RANBP3: variants seen among roughly 807,000 people sequenced by gnomAD.
RANBP3 encodes ran-binding protein 3.
A neutral mutation model predicts 77.3 loss-of-function variants in RANBP3; 14 were observed. The observed-to-expected ratio is 0.18, with a 90% CI of 0.12 to 0.28. The LOEUF (loss-of-function observed/expected upper bound fraction) is 0.28, where lower values mean the gene tolerates loss of function less well. Ranked by LOEUF, RANBP3 falls within the 10% of genes least tolerant of loss-of-function variation. RANBP3 has a pLI of 1.00. For synonymous variants in RANBP3, 315 were observed against 312.4 expected, an observed-to-expected ratio of 1.01 and a Z score of -0.09; for missense variants, 586 against 752.3, an observed-to-expected ratio of 0.78 and a Z score of 2.59.
intron 8 of RANBP3, among the ~76,000 whole-genome samples, chr19:5,930,483 C>A (rs2057974088): frequency 6.6e-6 from 1 of 152,228 alleles, no homozygotes; most frequent in South Asian, 2.1e-4. Flanking sequence ...TCAAAGGAGG[C>A]TCTTCATCAA....
intron 6 of RANBP3, 71 bp from the exon 7 acceptor site, chr19:5,932,615 C>A: frequency 8.2e-7 from 1 of 1,215,086 alleles, no homozygotes; most frequent in Non-Finnish European, 1.2e-6. Flanking sequence ...AGAGACTGAC[C>A]CCTGGCATCC....
chr19:5,949,798 G>A (rs1265546182), intron 3 of RANBP3, among the ~76,000 whole-genome samples: 1 of 152,168 alleles, frequency 6.6e-6, no homozygotes, highest in East Asian at 1.9e-4. Context: ...TGGACGAGGT[G>A]AGGCCCCTCC....
At chr19:5,927,166 T>C (rs370596875) in intron 9 of RANBP3, among the ~76,000 whole-genome samples, 1 of 152,150 alleles carries the variant, frequency 6.6e-6, no homozygotes, top group Non-Finnish European at 1.5e-5. Flanking sequence ...GCACATTCCA[T>C]GTCTGTGGCT....
At chr19:5,950,147 C>A (rs2058257165) in intron 3 of RANBP3, among the ~76,000 whole-genome samples, 2 of 152,166 alleles carry the variant, frequency 1.3e-5, no homozygotes, top group Non-Finnish European at 2.9e-5. Flanking sequence ...ACTCTGCCAA[C>A]AAAAGAAGGA....
intron 12 of RANBP3, 98 bp downstream of exon 12, chr19:5,923,714 C>T (rs2145036742): frequency 6.5e-6 from 6 of 917,634 alleles, no homozygotes; most frequent in East Asian, 2.6e-5. Flanking sequence ...CTGCGGGAGT[C>T]GGGCCCCTTA....
chr19:5,933,745 C>T, intron 5 of RANBP3: 1 of 403,126 alleles, frequency 2.5e-6, no homozygotes, highest in Non-Finnish European at 4.5e-6. Flanking sequence ...CAGCCGCCCT[C>T]CCAGCTGTCT....
chr19:5,918,388 G>GCCCCCC, intron 15 of RANBP3, 108 bp downstream of exon 15: 2 of 688,310 alleles, frequency 2.9e-6, no homozygotes, highest in Non-Finnish European at 2.2e-6. Context: ...AGCAACTGAA[G>GCCCCCC]CCCCTCCCCC....
At chr19:5,929,867 A>G (rs1159735712) in intron 8 of RANBP3, among the ~76,000 whole-genome samples, 1 of 152,256 alleles carries the variant, frequency 6.6e-6, no homozygotes, top group East Asian at 1.9e-4. Flanking sequence ...CCAGACCCAC[A>G]TGGAGCAGTG....
intron 1 of RANBP3, among the ~76,000 whole-genome samples, chr19:5,960,013 T>G (rs566981953): frequency 5.7e-4 from 86 of 152,010 alleles, no homozygotes; most frequent in Non-Finnish European, 3.4e-4. Context: ...ACATGGCACA[T>G]GAACAAGGCC....
intron 9 of RANBP3, among the ~76,000 whole-genome samples, chr19:5,927,526 C>T (rs2057928646): frequency 6.6e-6 from 1 of 152,226 alleles, no homozygotes; most frequent in Non-Finnish European, 1.5e-5. Flanking sequence ...CTGCAGTGCC[C>T]AGGGCGACTC....
chr19:5,955,933 C>G (rs1293569663), intron 2 of RANBP3, among the ~76,000 whole-genome samples: 1 of 151,948 alleles, frequency 6.6e-6, no homozygotes, highest in Admixed American at 6.6e-5. Flanking sequence ...AAGACACCAT[C>G]TCTAAAAAAA....
rs1230426457 is a variant in RANBP3 at position 5,917,288 on chromosome 19, C to T, written c.*322G>A. 9.7e-6 allele frequency: 4 copies of T among 410,288 alleles called. No homozygotes were observed. Among genetic ancestry groups the T allele is most frequent in the East Asian group, 5.1e-5 (1 of 19,748 alleles). 25.4% of individuals were successfully genotyped at this position (410,288 alleles called of 1,614,324 possible). ...TGGCTGGACCCAGAGGCTGGCGACA[C>T]GCGGGGTGAAGGAACGAGGTCTCCA... On this transcript the variant is annotated 3_prime_UTR_variant, in exon 17 of 17. Transcript: ENST00000340578.
intron 1 of RANBP3, among the ~76,000 whole-genome samples, chr19:5,970,336 C>T (rs915278349): frequency 1.3e-5 from 2 of 152,034 alleles, no homozygotes; most frequent in East Asian, 1.9e-4. Context: ...TGGGATTCAC[C>T]GCCTCTCTCC....
chr19:5,917,588 T>G lies in RANBP3; in HGVS notation c.*22A>C, dbSNP rs1415536203. The G allele has an allele frequency of 1.3e-6, 2 of 1,575,312 alleles. No individual in the cohort carries two copies. The highest frequency in any genetic ancestry group is 1.7e-6 in the Non-Finnish European group (2 of 1,164,900). On this transcript the variant is annotated 3_prime_UTR_variant, in exon 17 of 17. Coordinates refer to ENST00000340578, the MANE Select transcript of RANBP3 (RefSeq NM_007322.3). ...ATAGACGGACAAAGCAGCAGCCTGG[T>G]GTGCAGCCGGGCTCCCGGCCGCTAT...
chr19:5,943,673 G>A (rs916082472), intron 3 of RANBP3, among the ~76,000 whole-genome samples: 2 of 152,154 alleles, frequency 1.3e-5, no homozygotes, highest in African/African-American at 4.8e-5. Flanking sequence ...GCAAGCCTGG[G>A]CTTCTTGCTT....
In RANBP3 at chr19:5,929,383, G is replaced by A. The variant is rs552365767; in HGVS notation, c.694-1296C>T. On this transcript the variant is annotated intron_variant, in intron 8 of 16. Coordinates refer to ENST00000340578, the MANE Select transcript of RANBP3 (RefSeq NM_007322.3). ...CACTCCCTGGCTCTTGGCTTTCTGC[G>A]CTGTGTGCCCCCTGCTCACACCGAC... is the stretch of plus-strand genomic sequence containing the variant. Among the ~76,000 whole-genome samples the A allele has an allele frequency of 2.0e-4, 30 of 152,366 alleles. 1 individual carries two copies. The highest frequency in any genetic ancestry group is 1.2e-3 in the South Asian group (6 of 4,834).
chr19:5,972,522 C>T (rs942414373), intron 1 of RANBP3, among the ~76,000 whole-genome samples: 1 of 152,280 alleles, frequency 6.6e-6, no homozygotes, highest in South Asian at 2.1e-4. Flanking sequence ...TGATGCAAGC[C>T]CAACTGCCTC....
chr19:5,926,220 C>A (rs1411663270), intron 9 of RANBP3, among the ~76,000 whole-genome samples: 1 of 152,088 alleles, frequency 6.6e-6, no homozygotes, highest in Non-Finnish European at 1.5e-5. Context: ...CCCTGTTTGA[C>A]CAACAAGGAA....
At chr19:5,973,762 T>A (rs1015279236) in intron 1 of RANBP3, among the ~76,000 whole-genome samples, 1 of 152,214 alleles carries the variant, frequency 6.6e-6, no homozygotes, top group African/African-American at 2.4e-5. Flanking sequence ...CCTGAGTGTT[T>A]ATTACTATGA....
Sources: gnomAD v4.1 joint callset for allele counts (sites outside exome capture counted in the v4.1 genomes callset) on GRCh38, gnomAD v4.1.1 for gene constraint, MANE v1.5 for transcripts, NCBI Gene and HGNC (gene_info 2026-07-23, HGNC 2026-07-21) for gene names.